Variants in SAMD12 observed in about 807,000 individuals in gnomAD.
SAMD12 encodes the protein sterile alpha motif domain containing 12, also known as sterile alpha motif domain-containing protein 12.
In SAMD12, 9 loss-of-function variants were observed where a neutral mutation model predicts 15.0. The ratio of observed to expected loss-of-function variants is 0.60; its 90% CI spans 0.36 to 1.05. The LOEUF is 1.05. Ranked by LOEUF, SAMD12 falls within the 50% of genes least tolerant of loss-of-function variation. SAMD12 has a pLI of 0.01. For missense variants in SAMD12, 230 were observed against 234.2 expected, an observed-to-expected ratio of 0.98 and a Z score of 0.12; for synonymous variants, 86 against 90.1, an observed-to-expected ratio of 0.96 and a Z score of 0.25.
chr8:118,486,569 G>T (rs554072020), intron 2 of SAMD12, among the ~76,000 whole-genome samples: 7 of 152,240 alleles, frequency 4.6e-5, no homozygotes, highest in Admixed American at 1.3e-4. Context: ...CAAGAAAACA[G>T]ATTCCTTCCA....
At chr8:118,554,302 G>T (rs201274630) in intron 2 of SAMD12, among the ~76,000 whole-genome samples, 1 of 152,076 alleles carries the variant, frequency 6.6e-6, no homozygotes, top group African/African-American at 2.4e-5. Context: ...AACAATGATA[G>T]AATGGATTAA....
At chr8:118,205,946 C>T (rs765764242) in intron 4 of SAMD12, among the ~76,000 whole-genome samples, 1 of 152,204 alleles carries the variant, frequency 6.6e-6, no homozygotes, top group Admixed American at 6.5e-5. Flanking sequence ...TGTATTTGCT[C>T]ACTTACTGTT....
At chr8:118,308,710 A>G (rs28736311) in intron 4 of SAMD12, among the ~76,000 whole-genome samples, 63,631 of 149,912 alleles carry the variant, frequency 0.42, 14,130 homozygotes, top group African/African-American at 0.6. Context: ...TGTTGTACAC[A>G]TGACTTTTTT....
At chr8:118,530,043 T>C (rs1438759582) in intron 2 of SAMD12, among the ~76,000 whole-genome samples, 5 of 152,238 alleles carry the variant, frequency 3.3e-5, no homozygotes, top group Non-Finnish European at 7.3e-5. Flanking sequence ...CAACATCTGT[T>C]GTTGACTTCT....
intron 4 of SAMD12, among the ~76,000 whole-genome samples, chr8:118,264,224 A>G (rs867268109): frequency 9.9e-5 from 15 of 152,190 alleles, no homozygotes; most frequent in Middle Eastern, 3.4e-3. Flanking sequence ...GTGTTTATGT[A>G]GTACAAATAC....
At chr8:118,362,650 G>C (rs1267744261) in intron 4 of SAMD12, among the ~76,000 whole-genome samples, 1 of 152,184 alleles carries the variant, frequency 6.6e-6, no homozygotes, top group Non-Finnish European at 1.5e-5. Context: ...AACTTGGAAA[G>C]AGGGAGCCTT....
chr8:118,263,200 C>T (rs952457745), intron 4 of SAMD12, among the ~76,000 whole-genome samples: 1 of 151,902 alleles, frequency 6.6e-6, no homozygotes, highest in East Asian at 1.9e-4. Flanking sequence ...TTCATTTAGG[C>T]GACGGTTGGA....
chr8:118,570,245 C>T (rs138721604), intron 2 of SAMD12, among the ~76,000 whole-genome samples: 139 of 152,264 alleles, frequency 9.1e-4, no homozygotes, highest in African/African-American at 2.3e-3. Flanking sequence ...GGTACATGTA[C>T]AGGTTTGTTA....
chr8:118,173,819 G>A, the SAMD12 span, among the ~76,000 whole-genome samples: 1,185 of 151,736 alleles, frequency 7.8e-3, 18 homozygotes, highest in South Asian at 0.04. Flanking sequence ...TAGTAGAGAC[G>A]GGGTTTCACC....
At chr8:118,567,248 G>A (rs528593625) in intron 2 of SAMD12, among the ~76,000 whole-genome samples, 2 of 152,172 alleles carry the variant, frequency 1.3e-5, no homozygotes, top group East Asian at 1.9e-4. Flanking sequence ...CCCAGAGCCT[G>A]TGTTCTTTAC....
intron 4 of SAMD12, among the ~76,000 whole-genome samples, chr8:118,291,021 C>T (rs7465623): frequency 0.39 from 60,040 of 152,084 alleles, 14,927 homozygotes; most frequent in African/African-American, 0.71. Context: ...CCTAATTATT[C>T]TCATAAGCAG....
At chr8:118,538,399 T>C (rs181179638) in intron 2 of SAMD12, among the ~76,000 whole-genome samples, 85 of 152,286 alleles carry the variant, frequency 5.6e-4, no homozygotes, top group Middle Eastern at 6.8e-3. Context: ...CCCTTTAGCT[T>C]ACAGTGGCAG....
chr8:118,417,156 C>T (rs971025637), intron 3 of SAMD12, among the ~76,000 whole-genome samples: 2 of 152,110 alleles, frequency 1.3e-5, no homozygotes, highest in Non-Finnish European at 2.9e-5. Flanking sequence ...TGACAGCTCC[C>T]TGTAACCTCA....
At chr8:118,234,003 A>G (rs1352961114) in intron 4 of SAMD12, among the ~76,000 whole-genome samples, 1 of 152,196 alleles carries the variant, frequency 6.6e-6, no homozygotes, top group African/African-American at 2.4e-5. Context: ...TTTGGGACAA[A>G]TGAAGTGGTT....
At chr8:118,449,033 A>C (rs1209974255) in intron 2 of SAMD12, among the ~76,000 whole-genome samples, 1 of 151,086 alleles carries the variant, frequency 6.6e-6, no homozygotes, top group Non-Finnish European at 1.5e-5. Context: ...TTGGGGAAGC[A>C]GTGGGGCAGC....
intron 4 of SAMD12, among the ~76,000 whole-genome samples, chr8:118,343,757 G>A (rs1048109152): frequency 6.6e-6 from 1 of 152,082 alleles, no homozygotes; most frequent in African/African-American, 2.4e-5. Flanking sequence ...ATTGTGTAGA[G>A]GGGGAAATGC....
Position 118,554,567 on chromosome 8 carries a change from C to T in SAMD12, c.192+26148G>A, listed in dbSNP as rs551736213. The stretch of plus-strand genomic sequence containing the variant: ...GGGAGGGATAGCATTGGGAAATATA[C>T]CTAATGCTAGATGACGAGTTACTGG... On this transcript the variant is annotated intron_variant, in intron 2 of 3. Transcript: ENST00000314727. Among the ~76,000 whole-genome samples, 20 of 151,804 alleles carry T rather than the reference C, an allele frequency of 1.3e-4. No homozygotes were observed. In the South Asian group the frequency reaches 4.0e-3, roughly 30 times the overall value.
chr8:118,191,886 T>A (rs1349890223), exon 5 of SAMD12: 62 of 125,034 alleles, frequency 5.0e-4, no homozygotes, highest in African/African-American at 1.7e-3. Context: ...GATCATAGAA[T>A]CAAGGACCAC....
chr8:118,345,178 TACTA>T (rs1190356133), intron 4 of SAMD12, among the ~76,000 whole-genome samples: 1 of 152,178 alleles, frequency 6.6e-6, no homozygotes, highest in Non-Finnish European at 1.5e-5. Context: ...GATATACAAA[TACTA>T]ACTATTGTGT....
Sources: allele counts gnomAD v4.1 joint callset (sites outside exome capture counted in the v4.1 genomes callset), GRCh38; gene constraint gnomAD v4.1.1; transcripts MANE v1.5; gene names NCBI Gene and HGNC (gene_info 2026-07-23, HGNC 2026-07-21).